SLC9A9: variants seen among roughly 807,000 people sequenced by gnomAD.
SLC9A9 encodes the protein sodium/hydrogen exchanger 9.
A neutral mutation model predicts 77.8 loss-of-function variants in SLC9A9; 62 were observed. The ratio of observed to expected loss-of-function variants is 0.80; its 90% confidence interval spans 0.65 to 0.98. The LOEUF (loss-of-function observed/expected upper bound fraction) is 0.98, where lower values mean the gene tolerates loss of function less well. SLC9A9 is among the 50% of genes least tolerant of loss of function. SLC9A9 has a pLI of 0.00. For synonymous variants in SLC9A9, 320 were observed against 283.5 expected (o/e 1.13, Z -1.29); for missense variants, 775 against 774.9 (o/e 1.00, Z 0.00).
chr3:143,821,971 T>C (rs937903996), intron 2 of SLC9A9, among the ~76,000 whole-genome samples: 1 of 152,212 alleles, frequency 6.6e-6, no homozygotes, highest in Non-Finnish European at 1.5e-5. Flanking sequence ...GTGTTGTCCT[T>C]GCTGCAGCAA....
At chr3:143,506,184 T>C (rs1412470380) in intron 9 of SLC9A9, among the ~76,000 whole-genome samples, 2 of 152,188 alleles carry the variant, frequency 1.3e-5, no homozygotes, top group Non-Finnish European at 2.9e-5. Context: ...CAGGTACACA[T>C]ATGCACACAG....
At chr3:143,561,579 G>T in intron 8 of SLC9A9, among the ~76,000 whole-genome samples, 1 of 152,156 alleles carries the variant, frequency 6.6e-6, no homozygotes, top group East Asian at 1.9e-4. Flanking sequence ...TGCTTCCCAG[G>T]CTGCCATTCT....
intron 14 of SLC9A9, among the ~76,000 whole-genome samples, chr3:143,271,872 G>A (rs1937909117): frequency 6.6e-6 from 1 of 152,192 alleles, no homozygotes; most frequent in African/African-American, 2.4e-5. Context: ...ATCAAATGTG[G>A]AGCTGAGTCT....
intron 6 of SLC9A9, among the ~76,000 whole-genome samples, chr3:143,649,100 A>G (rs566397878): frequency 4.6e-4 from 70 of 152,312 alleles, no homozygotes; most frequent in African/African-American, 1.7e-3. Context: ...CAATCTTGAC[A>G]CCAGATCTTC....
intron 13 of SLC9A9, among the ~76,000 whole-genome samples, chr3:143,367,883 C>T (rs1221456476): frequency 6.6e-6 from 1 of 152,114 alleles, no homozygotes; most frequent in Non-Finnish European, 1.5e-5. Context: ...TTAGAACAAG[C>T]ATAGGTGCCA....
At chr3:143,435,939 G>A (rs1447392045) in intron 12 of SLC9A9, among the ~76,000 whole-genome samples, 10 of 152,172 alleles carry the variant, frequency 6.6e-5, no homozygotes, top group Non-Finnish European at 1.5e-4. Flanking sequence ...CTGGGCCAGT[G>A]ACAGAACTAG....
At chr3:143,580,269 G>A (rs1466490455) in intron 6 of SLC9A9, among the ~76,000 whole-genome samples, 1 of 152,182 alleles carries the variant, frequency 6.6e-6, no homozygotes, top group African/African-American at 2.4e-5. Flanking sequence ...AGAAACAAGA[G>A]TGATGAGAAA....
chr3:143,477,770 C>T (rs2035505567), intron 11 of SLC9A9, among the ~76,000 whole-genome samples: 1 of 152,146 alleles, frequency 6.6e-6, no homozygotes, highest in Non-Finnish European at 1.5e-5. Flanking sequence ...TATTTTTTAA[C>T]AGCTGAGGAA....
intron 4 of SLC9A9, among the ~76,000 whole-genome samples, chr3:143,694,018 A>G (rs556988650): frequency 2.6e-5 from 4 of 152,270 alleles, no homozygotes; most frequent in Admixed American, 2.6e-4. Context: ...GTATTTAATT[A>G]TTTAACTGAC....
At chr3:143,651,938 A>G (rs866977144) in intron 6 of SLC9A9, among the ~76,000 whole-genome samples, 5 of 152,028 alleles carry the variant, frequency 3.3e-5, no homozygotes, top group Non-Finnish European at 7.3e-5. Context: ...GCGAAAAATT[A>G]AATGATATTG....
intron 9 of SLC9A9, among the ~76,000 whole-genome samples, chr3:143,496,477 A>T (rs995200089): frequency 6.6e-6 from 1 of 152,220 alleles, no homozygotes. Flanking sequence ...AATAATGCCC[A>T]ATACTGTTCA....
At chr3:143,704,321 T>C (rs934918905) in intron 4 of SLC9A9, among the ~76,000 whole-genome samples, 8 of 152,180 alleles carry the variant, frequency 5.3e-5, no homozygotes, top group African/African-American at 1.9e-4. Context: ...GCAAATATCT[T>C]CAGCAAAATG....
chr3:143,394,471 C>G (rs1316295020), intron 12 of SLC9A9, among the ~76,000 whole-genome samples: 1 of 152,226 alleles, frequency 6.6e-6, no homozygotes, highest in East Asian at 1.9e-4. Flanking sequence ...TAAGAGCTAT[C>G]TATGACAAAC....
At position 143,523,345 on chromosome 3, in the gene SLC9A9, T is replaced by C. The variant is rs1383398903; in HGVS notation, c.1090-27897A>G. On this transcript the variant is annotated intron_variant, in intron 9 of 15. Transcript: ENST00000316549. The stretch of plus-strand genomic sequence containing the variant: ...TCTGTATAGAAATAGCTTTTTGTCT[T>C]TTACAATACTCCAAGACCCTGAAGA... Among the ~76,000 whole-genome samples, 3 of 152,170 alleles carry C rather than the reference T, an allele frequency of 2.0e-5. No individual in the cohort carries two copies. The South Asian group carries it at 6.2e-4, about 32-fold the overall frequency.
At chr3:143,267,300 A>T (rs1937752878) in intron 15 of SLC9A9, among the ~76,000 whole-genome samples, 2 of 151,850 alleles carry the variant, frequency 1.3e-5, no homozygotes, top group African/African-American at 4.8e-5. Context: ...TTGGTTTTGT[A>T]ACATTCCTGC....
At position 143,755,939 on chromosome 3, in the gene SLC9A9, C is replaced by T. The variant is rs77157024; in HGVS notation, c.533+39062G>A. Among the ~76,000 whole-genome samples the T allele has an allele frequency of 1.2e-3, 187 of 152,212 alleles. 1 individual carries two copies. Among genetic ancestry groups the T allele is most frequent in the African/African-American group, 4.4e-3 (183 of 41,542 alleles). On this transcript the variant is annotated intron_variant, in intron 4 of 15. Coordinates refer to ENST00000316549, the MANE Select transcript of SLC9A9 (RefSeq NM_173653.4). The stretch of plus-strand genomic sequence containing the variant: ...AAAGCAACTTGGCTCTAAATTTCTC[C>T]TTAAACTTCTTGGAAAAAGAAAAGA...
At chr3:143,385,662 T>C (rs1251171733) in intron 12 of SLC9A9, among the ~76,000 whole-genome samples, 1 of 152,238 alleles carries the variant, frequency 6.6e-6, no homozygotes, top group Non-Finnish European at 1.5e-5. Flanking sequence ...TTATACGTAA[T>C]GAGTTTTTGA....
intron 9 of SLC9A9, among the ~76,000 whole-genome samples, chr3:143,499,705 T>C (rs1018878393): frequency 1.3e-5 from 2 of 152,136 alleles, no homozygotes; most frequent in African/African-American, 4.8e-5. Context: ...TTTCCCAATC[T>C]CAAAATGAAC....
intron 9 of SLC9A9, among the ~76,000 whole-genome samples, chr3:143,519,273 G>A (rs923238110): frequency 2.0e-5 from 3 of 152,154 alleles, no homozygotes; most frequent in African/African-American, 7.2e-5. Context: ...TACAACAAAG[G>A]TATCACTGAA....
Sources: allele counts gnomAD v4.1 joint callset (sites outside exome capture counted in the v4.1 genomes callset), GRCh38; gene constraint gnomAD v4.1.1; transcripts MANE v1.5; gene names NCBI Gene and HGNC (gene_info 2026-07-23, HGNC 2026-07-21).